Variants in TIPARP observed in about 807,000 individuals in gnomAD.
TIPARP encodes protein mono-ADP-ribosyltransferase TIPARP.
In TIPARP, 12 loss-of-function variants were observed where a neutral mutation model predicts 56.5. The observed-to-expected ratio is 0.21, with a 90% CI of 0.14 to 0.34. TIPARP has a LOEUF of 0.34. Among genes scored for constraint, TIPARP ranks in the 10% least tolerant of loss-of-function variants. The probability of loss-of-function intolerance (pLI) is 1.00; values close to 1 mark genes in which losing one functional copy is unlikely to be tolerated. For synonymous variants in TIPARP, 296 were observed against 265.7 expected (o/e 1.11, Z -1.11); for missense variants, 604 against 781.6 (o/e 0.77, Z 2.71).
chr3:156,692,484 T>C (rs1170484309), intron 2 of TIPARP, among the ~76,000 whole-genome samples: 1 of 152,110 alleles, frequency 6.6e-6, no homozygotes, highest in East Asian at 1.9e-4. Flanking sequence ...TTATATTATC[T>C]TATTTCATAC....
At chr3:156,696,050 A>G (rs781121918) in intron 4 of TIPARP, 25 bp downstream of exon 4, 30 of 1,595,234 alleles carry the variant, frequency 1.9e-5, no homozygotes, top group South Asian at 1.3e-4. Context: ...TGAAGTTGCA[A>G]TATTTACTCT....
intron 2 of TIPARP, 57 bp downstream of exon 2, chr3:156,678,671 A>C (rs2108485938): frequency 2.0e-6 from 3 of 1,480,434 alleles, no homozygotes; most frequent in Non-Finnish European, 1.8e-6. Flanking sequence ...GAAGGTAAAG[A>C]AGCTAAAAGC....
At chr3:156,701,292 G>A (rs1010168665) in intron 4 of TIPARP, among the ~76,000 whole-genome samples, 2 of 152,172 alleles carry the variant, frequency 1.3e-5, no homozygotes, top group African/African-American at 4.8e-5. Flanking sequence ...TTTATGGAAC[G>A]GGTCCATAGT....
At chr3:156,693,045 T>C (rs1221521206) in intron 2 of TIPARP, among the ~76,000 whole-genome samples, 1 of 152,194 alleles carries the variant, frequency 6.6e-6, no homozygotes, top group Admixed American at 6.5e-5. Context: ...ATCTAGAGTA[T>C]TTCCTGTGTT....
Position 156,705,233 on chromosome 3 carries a change from T to C in TIPARP, c.*102T>C. 1 of 804,258 alleles carries C rather than the reference T, an allele frequency of 1.2e-6. No homozygotes were observed. The highest frequency in any genetic ancestry group is 1.9e-6 in the Non-Finnish European group (1 of 533,924). The allele number at this position is 804,258 out of a possible 1,614,324, so 49.8% of individuals were successfully genotyped here. On this transcript the variant is annotated 3_prime_UTR_variant, in exon 6 of 6. Transcript: ENST00000295924. ...GGTGGGGAACAGCATTGGACATTAA[T>C]AGGGCACTTTTCAGACCCATTTTTT... is the stretch of plus-strand genomic sequence containing the variant.
Position 156,695,881 on chromosome 3 carries a change from T to C in TIPARP, c.1103T>C (p.Ile368Thr). 6.3e-7 allele frequency: 1 copy of C among 1,589,964 alleles called. No individual in the cohort carries two copies. The highest frequency in any genetic ancestry group is 8.5e-7 in the Non-Finnish European group (1 of 1,172,498). ...REYPESVIRL[I>T]EEANSRGLKE... is the part of the protein sequence containing the mutation. ...CCTCCATAGTCTGTCATTCGATTGA[T>C]TGAAGAAGCCAACTCTCGGGGTCTG... The change falls in exon 4 of 6, where the codon ATT becomes ACT. Residue 368 changes from isoleucine to threonine, a missense_variant. By Grantham distance (89) the Ile-to-Thr change is moderately conservative. This residue lies in a region of TIPARP where 252 missense variants were observed against 303.9 expected (regional missense o/e 0.83). Transcript: ENST00000295924.
intron 4 of TIPARP, among the ~76,000 whole-genome samples, chr3:156,697,117 C>T (rs544394162): frequency 1.1e-4 from 17 of 152,080 alleles, no homozygotes; most frequent in African/African-American, 3.4e-4. Flanking sequence ...TCTAAGTGCC[C>T]GTTAGAAAAA....
rs1432391241 is a variant in TIPARP, at chr3:156,706,006, A to G, written c.*875A>G. 2.0e-5 allele frequency: 3 copies of G among 152,668 alleles called. No homozygotes were observed. The highest frequency in any genetic ancestry group is 4.4e-5 in the Non-Finnish European group (3 of 68,042). The allele number at this position is 152,668 out of a possible 1,614,324, so 9.5% of individuals were successfully genotyped here. A position where few individuals can be genotyped will look rare whatever the true frequency, so the allele number is the denominator to read the frequency against. Reference sequence around the variant, plus strand: ...TGTGACTGAAAGTTTTAGAAAAAGGAAGTACATCTATAGCCAAATTGATAA... The same window carrying G: ...TGTGACTGAAAGTTTTAGAAAAAGGGAGTACATCTATAGCCAAATTGATAA... On this transcript the variant is annotated 3_prime_UTR_variant, in exon 6 of 6. Coordinates refer to ENST00000295924, the MANE Select transcript of TIPARP (RefSeq NM_015508.5).
rs1315274635 is a variant in TIPARP, at chr3:156,705,690, A to G, written c.*559A>G. ...CTAAAATGTATCAGCCAACCAGAGA[A>G]CATCAGTGACTTTAACTTCTGCAGA... On this transcript the variant is annotated 3_prime_UTR_variant, in exon 6 of 6. Transcript: ENST00000295924. 1 of 152,672 alleles carries G rather than the reference A, an allele frequency of 6.5e-6. No individual in the cohort carries two copies. The highest frequency in any genetic ancestry group is 1.5e-5 in the Non-Finnish European group (1 of 68,048). The allele number at this position is 152,672 out of a possible 1,614,324, so 9.5% of individuals were successfully genotyped here.
At chr3:156,703,294 T>G (rs1475551693) in intron 4 of TIPARP, 130 bp from the exon 5 acceptor site, 11 of 995,408 alleles carry the variant, frequency 1.1e-5, no homozygotes, top group Middle Eastern at 3.3e-4. Context: ...GATAGCATTT[T>G]TTACTTTTAA....
intron 4 of TIPARP, among the ~76,000 whole-genome samples, chr3:156,696,470 A>T (rs988560239): frequency 6.6e-6 from 1 of 152,234 alleles, no homozygotes; most frequent in African/African-American, 2.4e-5. Flanking sequence ...GAATGGGGAA[A>T]GTTCACCTTT....
intron 2 of TIPARP, among the ~76,000 whole-genome samples, chr3:156,691,956 C>CATGCA (rs1460936291): frequency 6.6e-6 from 1 of 152,136 alleles, no homozygotes; most frequent in Non-Finnish European, 1.5e-5. Flanking sequence ...ATGTCTTTCT[C>CATGCA]ATGCAAATCA....
intron 2 of TIPARP, among the ~76,000 whole-genome samples, chr3:156,681,710 C>T (rs139628926): frequency 1.3e-5 from 2 of 152,198 alleles, no homozygotes; most frequent in African/African-American, 2.4e-5. Flanking sequence ...ATAATACATG[C>T]TTATTTGTTC....
intron 2 of TIPARP, among the ~76,000 whole-genome samples, chr3:156,691,565 A>G (rs1722574845): frequency 1.3e-5 from 2 of 152,092 alleles, no homozygotes; most frequent in South Asian, 2.1e-4. Context: ...TTGCTTTCTG[A>G]TAATAGGAAG....
chr3:156,688,490 C>A (rs1248740519), intron 2 of TIPARP, among the ~76,000 whole-genome samples: 4 of 149,218 alleles, frequency 2.7e-5, no homozygotes, highest in Admixed American at 2.7e-4. Context: ...CCGCCCCCCC[C>A]CGCAATAAGT....
chr3:156,705,117 A>G lies in TIPARP; in HGVS notation c.1960A>G (p.Thr654Ala), dbSNP rs1266929320. The G allele has an allele frequency of 2.5e-6, 4 of 1,582,402 alleles. No individual in the cohort carries two copies. In the African/African-American group the frequency reaches 5.5e-5, roughly 22 times the overall value. ...FVIQYEEVSNTVSI is the reference protein window; with the variant it reads ...FVIQYEEVSNAVSI ...TATCCAATATGAAGAAGTCAGTAAC[A>G]CTGTTTCCATTTGAAAAATCTTGGT... The change falls in exon 6 of 6, where the codon ACT becomes GCT. Residue 654 changes from threonine (T) to alanine (A), a missense_variant. By Grantham distance (58) the Thr-to-Ala change is moderately conservative. Around this residue, in one of 4 missense-constraint regions of TIPARP, gnomAD observed 77 missense variants for 161.0 expected, o/e 0.48. Transcript: ENST00000295924.
chr3:156,701,634 A>G (rs1722846349), intron 4 of TIPARP, among the ~76,000 whole-genome samples: 1 of 152,238 alleles, frequency 6.6e-6, no homozygotes, highest in African/African-American at 2.4e-5. Context: ...TGATTAAAGC[A>G]GTCAGACCTC....
intron 2 of TIPARP, among the ~76,000 whole-genome samples, chr3:156,686,343 T>G (rs1722428072): frequency 6.6e-6 from 1 of 152,230 alleles, no homozygotes; most frequent in South Asian, 2.1e-4. Context: ...GTTACCAATT[T>G]AAGACGATGT....
intron 2 of TIPARP, 78 bp from the exon 3 acceptor site, chr3:156,693,942 A>G (rs1722644687): frequency 1.4e-6 from 2 of 1,432,082 alleles, no homozygotes; most frequent in Non-Finnish European, 1.9e-6. Context: ...TTTAATGTCC[A>G]ATGATATTTT....
Sources: allele counts gnomAD v4.1 joint callset (sites outside exome capture counted in the v4.1 genomes callset), GRCh38; gene constraint gnomAD v4.1.1; regional missense constraint gnomAD v4.1.1; transcripts MANE v1.5; gene names NCBI Gene and HGNC (gene_info 2026-07-23, HGNC 2026-07-21).